The following NUP93 variants were observed in gnomAD, a reference collection of about 807,000 sequenced individuals.
NUP93 encodes the protein nucleoporin 93.
Under a neutral mutation model 107.8 loss-of-function variants are expected in NUP93, and 55 were observed. The observed-to-expected ratio is 0.51, with a 90% CI of 0.41 to 0.64. NUP93 has a LOEUF of 0.64. NUP93 is among the 30% of genes least tolerant of loss of function. NUP93 has a pLI of 0.00. For synonymous variants in NUP93, 390 were observed against 397.5 expected, an observed-to-expected ratio of 0.98 and a Z score of 0.22; for missense variants, 937 against 1,044.7, an observed-to-expected ratio of 0.90 and a Z score of 1.42.
intron 21 of NUP93, chr16:56,842,524 A>G: frequency 1.2e-5 from 5 of 427,402 alleles, no homozygotes; most frequent in Middle Eastern, 7.9e-4. Flanking sequence ...TGACCCAGTT[A>G]AACCATAAGG....
chr16:56,743,247 C>T (rs1397507054), intron 1 of NUP93, among the ~76,000 whole-genome samples: 1 of 152,120 alleles, frequency 6.6e-6, no homozygotes, highest in Non-Finnish European at 1.5e-5. Context: ...TAGTTCATTT[C>T]ACCTTATATG....
intron 2 of NUP93, among the ~76,000 whole-genome samples, chr16:56,756,101 G>A (rs1024080058): frequency 1.3e-5 from 2 of 151,714 alleles, no homozygotes; most frequent in South Asian, 2.1e-4. Flanking sequence ...GTGCAGCCAG[G>A]GTTGAGACCC....
At chr16:56,831,075 G>A (rs1225674149) in intron 10 of NUP93, among the ~76,000 whole-genome samples, 1 of 152,172 alleles carries the variant, frequency 6.6e-6, no homozygotes, top group Non-Finnish European at 1.5e-5. Context: ...AAAATATGTT[G>A]TCACGTACTT....
chr16:56,782,067 AC>A (rs1962526011), intron 3 of NUP93: 2 of 984,380 alleles, frequency 2.0e-6, no homozygotes, highest in Non-Finnish European at 2.4e-6. Context: ...CCTTCTCCCC[AC>A]CCCCATCCCT....
chr16:56,792,466 C>T lies in NUP93; in HGVS notation c.298-6010C>T, dbSNP rs562177722. Among the ~76,000 whole-genome samples the T allele has an allele frequency of 7.2e-5, 11 of 152,334 alleles. No homozygotes were observed. In the East Asian group the frequency reaches 1.9e-3, roughly 27 times the overall value. On this transcript the variant is annotated intron_variant, in intron 3 of 21. Coordinates refer to ENST00000308159, the MANE Select transcript of NUP93 (RefSeq NM_014669.5). ...TGGGTTCTGAGTCTGAACTTTGCTA[C>T]GTATGAACTGGGTCATCTGGACATA...
At chr16:56,774,982 C>T (rs1333771632) in intron 3 of NUP93, among the ~76,000 whole-genome samples, 2 of 151,738 alleles carry the variant, frequency 1.3e-5, no homozygotes, top group Admixed American at 6.6e-5. Context: ...TCATTGCAAC[C>T]TCCACCTCCC....
chr16:56,815,256 G>T (rs1963396856), intron 5 of NUP93, among the ~76,000 whole-genome samples: 1 of 152,138 alleles, frequency 6.6e-6, no homozygotes, highest in South Asian at 2.1e-4. Context: ...TCCTTGACTA[G>T]GTTTCTGGAA....
chr16:56,751,165 C>G (rs748323623), intron 2 of NUP93, among the ~76,000 whole-genome samples: 6 of 151,992 alleles, frequency 3.9e-5, no homozygotes, highest in Non-Finnish European at 8.8e-5. Flanking sequence ...TGAAATCAGG[C>G]AAGCTAGATG....
intron 3 of NUP93, among the ~76,000 whole-genome samples, chr16:56,786,064 C>T (rs921387376): frequency 1.1e-4 from 17 of 152,096 alleles, no homozygotes; most frequent in Admixed American, 1.1e-3. Context: ...CTCTGGTTTT[C>T]ATTCTAGCTC....
intron 1 of NUP93, among the ~76,000 whole-genome samples, chr16:56,734,343 C>T (rs1303577028): frequency 1.3e-5 from 2 of 152,104 alleles, no homozygotes; most frequent in Non-Finnish European, 2.9e-5. Flanking sequence ...ACTGAAAGCC[C>T]AAGTCAGCAG....
At chr16:56,753,620 T>C (rs1961963880) in intron 2 of NUP93, among the ~76,000 whole-genome samples, 1 of 152,216 alleles carries the variant, frequency 6.6e-6, no homozygotes, top group South Asian at 2.1e-4. Flanking sequence ...CACTTTTTTT[T>C]CTGCTCTGTA....
At chr16:56,810,546 C>T (rs1217975061) in intron 5 of NUP93, among the ~76,000 whole-genome samples, 1 of 152,182 alleles carries the variant, frequency 6.6e-6, no homozygotes. Context: ...GTGGGAGGAT[C>T]GCTTGTGCCC....
intron 19 of NUP93, 143 bp downstream of exon 19, chr16:56,839,212 TA>T (rs764486963): frequency 4.3e-5 from 16 of 373,450 alleles, no homozygotes; most frequent in Non-Finnish European, 6.4e-5. Flanking sequence ...TCCTGGGACT[TA>T]AAAGGAGTTT....
At chr16:56,744,641 C>G (rs1961792850) in intron 1 of NUP93, among the ~76,000 whole-genome samples, 1 of 151,918 alleles carries the variant, frequency 6.6e-6, no homozygotes, top group East Asian at 1.9e-4. Context: ...TTACTTCTAC[C>G]CTGAAGTTAT....
chr16:56,749,430 G>A (rs1042416146), intron 2 of NUP93, among the ~76,000 whole-genome samples: 15 of 152,228 alleles, frequency 9.9e-5, no homozygotes, highest in African/African-American at 3.6e-4. Flanking sequence ...ACTCCAGAGT[G>A]CATACTCCTC....
rs1463563035 is a variant in NUP93 at position 56,845,295 on chromosome 16, C to T, written c.*686C>T. ...CTTGAGGAAGGGGTAAACCTTGCCACTGCACTCCTCTGTAGCTGCTCCACT... is the reference window on the plus strand; with the variant it reads ...CTTGAGGAAGGGGTAAACCTTGCCATTGCACTCCTCTGTAGCTGCTCCACT... On this transcript the variant is annotated 3_prime_UTR_variant, in exon 22 of 22. Transcript: ENST00000308159. The T allele has an allele frequency of 4.6e-5, 7 of 152,864 alleles. No homozygotes were observed. Among genetic ancestry groups the T allele is most frequent in the African/African-American group, 1.7e-4 (7 of 41,460 alleles). The allele number at this position is 152,864 out of a possible 1,614,324, so 9.5% of individuals were successfully genotyped here. A position where few individuals can be genotyped will look rare whatever the true frequency, so the allele number is the denominator to read the frequency against.
chr16:56,746,634 A>C lies in NUP93; in HGVS notation c.-14-1600A>C, dbSNP rs1387792804. Among the ~76,000 whole-genome samples, 7 of 152,376 alleles carry C rather than the reference A, an allele frequency of 4.6e-5. No homozygotes were observed. In the East Asian group the frequency reaches 1.3e-3, roughly 29 times the overall value. On this transcript the variant is annotated intron_variant, in intron 1 of 21. Transcript: ENST00000308159. ...TTAATGCTCATTTTTAAAAGTTCTTAATGGATTTATGGCAGTAACAGTGTC... is the reference window on the plus strand; with the variant it reads ...TTAATGCTCATTTTTAAAAGTTCTTCATGGATTTATGGCAGTAACAGTGTC...
At chr16:56,753,780 G>A (rs563971325) in intron 2 of NUP93, among the ~76,000 whole-genome samples, 17 of 152,252 alleles carry the variant, frequency 1.1e-4, no homozygotes, top group African/African-American at 4.1e-4. Flanking sequence ...TCATCCACAA[G>A]TAGAGACTTT....
intron 3 of NUP93, among the ~76,000 whole-genome samples, chr16:56,796,122 A>G (rs973367972): frequency 1.8e-4 from 27 of 152,136 alleles, no homozygotes; most frequent in African/African-American, 6.5e-4. Flanking sequence ...TATATCCCCA[A>G]TATTATCCTG....
Sources: gnomAD v4.1 joint callset for allele counts (sites outside exome capture counted in the v4.1 genomes callset) on GRCh38, gnomAD v4.1.1 for gene constraint, MANE v1.5 for transcripts, NCBI Gene and HGNC (gene_info 2026-07-23, HGNC 2026-07-21) for gene names.